TEX2: variants seen among roughly 807,000 people sequenced by gnomAD.
TEX2 encodes the protein testis-expressed protein 2.
A neutral mutation model predicts 106.9 loss-of-function variants in TEX2; 53 were observed. The ratio of observed to expected loss-of-function variants is 0.50; its 90% CI spans 0.40 to 0.62. The LOEUF is 0.62. Among genes scored for constraint, TEX2 ranks in the 20% least tolerant of loss-of-function variants. The pLI is 0.00. For missense variants in TEX2, 1,207 were observed against 1,379.0 expected, an observed-to-expected ratio of 0.88 and a Z score of 1.98; for synonymous variants, 523 against 534.8, an observed-to-expected ratio of 0.98 and a Z score of 0.30.
intron 7 of TEX2, among the ~76,000 whole-genome samples, chr17:64,162,037 G>A (rs551953438): frequency 6.6e-6 from 1 of 152,046 alleles, no homozygotes; most frequent in African/African-American, 2.4e-5. Flanking sequence ...CCTCACTAAA[G>A]GCAGGATGAT....
chr17:64,200,884 G>A (rs781910825), intron 2 of TEX2, among the ~76,000 whole-genome samples: 21 of 151,898 alleles, frequency 1.4e-4, no homozygotes, highest in Non-Finnish European at 2.4e-4. Flanking sequence ...CAGCTGCTGT[G>A]GTTTCTCCTT....
intron 1 of TEX2, among the ~76,000 whole-genome samples, chr17:64,215,522 G>T (rs781894909): frequency 4.6e-5 from 7 of 152,098 alleles, no homozygotes; most frequent in Admixed American, 1.3e-4. Context: ...GACAAAAGGG[G>T]CATCGTGGGG....
intron 2 of TEX2, among the ~76,000 whole-genome samples, chr17:64,209,124 G>A (rs1399111371): frequency 6.6e-6 from 1 of 152,208 alleles, no homozygotes; most frequent in Non-Finnish European, 1.5e-5. Flanking sequence ...ATGCATTCAT[G>A]AAGCTTATGG....
chr17:64,236,936 GACTT>G (rs1451200031), intron 1 of TEX2, among the ~76,000 whole-genome samples: 4 of 152,174 alleles, frequency 2.6e-5, no homozygotes, highest in African/African-American at 7.2e-5. Flanking sequence ...GAATATTCCG[GACTT>G]ACTTGTTTCC....
chr17:64,159,448 G>C (rs11871350), intron 8 of TEX2, among the ~76,000 whole-genome samples: 2,318 of 152,260 alleles, frequency 0.015, 41 homozygotes, highest in Middle Eastern at 0.031. Context: ...ACAAGGAATT[G>C]AGTCTGACTA....
At chr17:64,196,509 C>A (rs782562353) in intron 2 of TEX2, among the ~76,000 whole-genome samples, 1 of 152,068 alleles carries the variant, frequency 6.6e-6, no homozygotes, top group African/African-American at 2.4e-5. Context: ...AAAGAATGAC[C>A]GGACAGGAGC....
chr17:64,170,998 T>G, intron 7 of TEX2, 102 bp downstream of exon 7: 1 of 910,324 alleles, frequency 1.1e-6, no homozygotes, highest in Non-Finnish European at 1.7e-6. Context: ...AACAGATGAT[T>G]TAAAAAGTCC....
chr17:64,213,404 A>C lies in TEX2; in HGVS notation c.814T>G (p.Ser272Ala), dbSNP rs781788823. 1.4e-5 allele frequency: 23 copies of C among 1,613,972 alleles called. No homozygotes were observed. In the South Asian group the frequency reaches 1.6e-4, roughly 12 times the overall value. ...TAPSSPLTSP[S>A]DTRSFFKVPE... ...ACTTTAAAAAAGGAACGAGTATCAG[A>C]GGGAGAAGTCAGTGGGGAAGAAGGT... The change falls in exon 2 of 12, where the codon TCT becomes GCT. Residue 272 changes from serine to alanine, a missense_variant. Ser to Ala is a moderately conservative substitution (Grantham distance 99). This residue lies in a region of TEX2 where 1,067 missense variants were observed against 1,193.6 expected (regional missense o/e 0.89). Transcript: ENST00000584379. This position sits in a 1 kb window ranked among gnomAD's most constrained non-coding sequence, Gnocchi z 4.4.
At chr17:64,188,793 G>A (rs1162157437) in intron 4 of TEX2, among the ~76,000 whole-genome samples, 2 of 148,930 alleles carry the variant, frequency 1.3e-5, no homozygotes, top group African/African-American at 5.0e-5. Context: ...TCCAGTCTGG[G>A]CAACAGAGCG....
intron 6 of TEX2, among the ~76,000 whole-genome samples, chr17:64,177,099 G>A (rs768705252): frequency 6.6e-6 from 1 of 152,134 alleles, no homozygotes; most frequent in Admixed American, 6.5e-5. Flanking sequence ...ATAACAATGA[G>A]GGCAACACAA....
At chr17:64,172,753 C>G (rs2031465150) in intron 6 of TEX2, among the ~76,000 whole-genome samples, 1 of 152,154 alleles carries the variant, frequency 6.6e-6, no homozygotes, top group African/African-American at 2.4e-5. Flanking sequence ...ATAAATCTTC[C>G]CTTCAGCAAA....
intron 11 of TEX2, chr17:64,149,426 T>C (rs1324108091): frequency 1.4e-5 from 3 of 214,862 alleles, no homozygotes; most frequent in Non-Finnish European, 2.8e-5. Flanking sequence ...TCCCAGTTAC[T>C]ATGTCTAGAA....
chr17:64,184,197 C>T (rs1244236379), intron 5 of TEX2, among the ~76,000 whole-genome samples: 5 of 152,128 alleles, frequency 3.3e-5, no homozygotes, highest in East Asian at 1.9e-4. Context: ...CTCCCTGACT[C>T]GAGCAATTCT....
chr17:64,241,343 C>T (rs782342126), intron 1 of TEX2, among the ~76,000 whole-genome samples: 1 of 152,176 alleles, frequency 6.6e-6, no homozygotes, highest in African/African-American at 2.4e-5. Flanking sequence ...CAGTTCTTGC[C>T]GCAGGAAAAC....
At chr17:64,235,759 C>T (rs782500299) in intron 1 of TEX2, among the ~76,000 whole-genome samples, 1 of 152,156 alleles carries the variant, frequency 6.6e-6, no homozygotes, top group Non-Finnish European at 1.5e-5. Context: ...TAATTCATTG[C>T]TATACATAAG....
At chr17:64,242,637 C>T (rs561064516) in intron 1 of TEX2, among the ~76,000 whole-genome samples, 10 of 152,214 alleles carry the variant, frequency 6.6e-5, no homozygotes, top group Admixed American at 2.0e-4. Context: ...CAGAATCATC[C>T]TCCTCCCAGC....
In TEX2 at chr17:64,184,585, A is replaced by G. The variant is rs187661882; in HGVS notation, c.2424+3583T>C. ...TCTTGATGGTATTGTTGGCAGCACA[A>G]AAGTTTCTAATTTTGATGAAGTCCA... On this transcript the variant is annotated intron_variant, in intron 5 of 11. Coordinates refer to ENST00000584379, the MANE Select transcript of TEX2 (RefSeq NM_001288732.2). Among the ~76,000 whole-genome samples the G allele has an allele frequency of 2.1e-3, 316 of 152,336 alleles. 1 individual carries two copies. The highest frequency in any genetic ancestry group is 7.4e-3 in the African/African-American group (307 of 41,560).
At chr17:64,171,409 G>A (rs1290910838) in intron 6 of TEX2, among the ~76,000 whole-genome samples, 3 of 152,120 alleles carry the variant, frequency 2.0e-5, no homozygotes, top group Non-Finnish European at 2.9e-5. Flanking sequence ...GGCTCTCACG[G>A]GGTTTATAAT....
intron 5 of TEX2, among the ~76,000 whole-genome samples, chr17:64,178,413 C>G (rs1598144927): frequency 6.6e-6 from 1 of 152,172 alleles, no homozygotes; most frequent in Non-Finnish European, 1.5e-5. Flanking sequence ...CATGCCAGCC[C>G]TATGGGCACA....
Sources: allele counts gnomAD v4.1 joint callset (sites outside exome capture counted in the v4.1 genomes callset), GRCh38; gene constraint gnomAD v4.1.1; regional missense constraint gnomAD v4.1.1; non-coding constraint Gnocchi (gnomAD v3.1); transcripts MANE v1.5; gene names NCBI Gene and HGNC (gene_info 2026-07-23, HGNC 2026-07-21).